The following SDK1 variants were observed in gnomAD, a reference collection of about 807,000 sequenced individuals.
SDK1 encodes sidekick cell adhesion molecule 1.
SDK1 carries 157 observed loss-of-function variants against 245.5 expected under a neutral mutation model. The ratio of observed to expected loss-of-function variants is 0.64; its 90% CI spans 0.56 to 0.73. SDK1 has a LOEUF of 0.73. Ranked by LOEUF, SDK1 falls within the 30% of genes least tolerant of loss-of-function variation. SDK1 has a pLI of 0.00. For missense variants in SDK1, 3,583 were observed against 3,002.3 expected, an observed-to-expected ratio of 1.19 and a Z score of -4.52; for synonymous variants, 1,647 against 1,278.5, an observed-to-expected ratio of 1.29 and a Z score of -6.15.
At chr7:4,219,671 C>A (rs986855005) in intron 38 of SDK1, among the ~76,000 whole-genome samples, 1 of 152,152 alleles carries the variant, frequency 6.6e-6, no homozygotes, top group Non-Finnish European at 1.5e-5. Flanking sequence ...CACTCCCCTC[C>A]CTCGTGACTA....
intron 4 of SDK1, among the ~76,000 whole-genome samples, chr7:3,795,383 G>A (rs932722194): frequency 6.6e-6 from 1 of 152,112 alleles, no homozygotes; most frequent in African/African-American, 2.4e-5. Context: ...ATTGCTGGAA[G>A]GAGTCTGATT....
At chr7:3,918,166 C>T (rs1323771901) in intron 5 of SDK1, among the ~76,000 whole-genome samples, 1 of 152,166 alleles carries the variant, frequency 6.6e-6, no homozygotes. Context: ...GTAGCATGGG[C>T]CACGTGTCTT....
intron 4 of SDK1, among the ~76,000 whole-genome samples, chr7:3,751,764 T>C (rs1779779439): frequency 6.6e-6 from 1 of 152,178 alleles, no homozygotes; most frequent in African/African-American, 2.4e-5. Context: ...TGAGGTCACC[T>C]TGCCTGGTGA....
rs573940629 is a variant in SDK1 at position 3,766,891 on chromosome 7, C to T, written c.714-54559C>T. Among the ~76,000 whole-genome samples, 45 of 152,278 alleles carry T rather than the reference C, an allele frequency of 3.0e-4. No individual in the cohort carries two copies. The South Asian group carries it at 8.7e-3, about 29-fold the overall frequency. ...CCTTAGAGTGAGCTCATGGCATTGT[C>T]ACTTTAACAATATGCCCAAAAGTGG... On this transcript the variant is annotated intron_variant, in intron 4 of 44. Coordinates refer to ENST00000404826, the MANE Select transcript of SDK1 (RefSeq NM_152744.4).
intron 1 of SDK1, among the ~76,000 whole-genome samples, chr7:3,569,940 C>G (rs1244083708): frequency 1.3e-5 from 2 of 152,168 alleles, no homozygotes; most frequent in Non-Finnish European, 2.9e-5. Context: ...TCCTCTGTCT[C>G]CCAGAAGTTC....
At chr7:3,835,834 A>G (rs1408645640) in intron 5 of SDK1, among the ~76,000 whole-genome samples, 1 of 152,240 alleles carries the variant, frequency 6.6e-6, no homozygotes, top group Admixed American at 6.5e-5. Context: ...GTTCTAAGTC[A>G]GGGAATAGTA....
At chr7:4,192,020 C>T (rs1783240031) in intron 35 of SDK1, among the ~76,000 whole-genome samples, 2 of 152,210 alleles carry the variant, frequency 1.3e-5, no homozygotes, top group Non-Finnish European at 2.9e-5. Flanking sequence ...CACTCTCTTC[C>T]GAGAGAACTC....
At chr7:3,836,427 T>A (rs905155628) in intron 5 of SDK1, among the ~76,000 whole-genome samples, 1 of 152,212 alleles carries the variant, frequency 6.6e-6, no homozygotes, top group African/African-American at 2.4e-5. Flanking sequence ...ATTAATTCAT[T>A]GACTCAAGAT....
chr7:4,153,645 T>G (rs1780534561), intron 30 of SDK1, among the ~76,000 whole-genome samples: 1 of 152,200 alleles, frequency 6.6e-6, no homozygotes, highest in Non-Finnish European at 1.5e-5. Context: ...CTTGATATTC[T>G]TTGTGATACA....
At chr7:3,780,376 C>G (rs1211481912) in intron 4 of SDK1, among the ~76,000 whole-genome samples, 1 of 152,170 alleles carries the variant, frequency 6.6e-6, no homozygotes, top group East Asian at 1.9e-4. Context: ...GCCACAGTGC[C>G]TAGGGTCAGG....
At chr7:3,303,819 A>G (rs922704313) in intron 1 of SDK1, among the ~76,000 whole-genome samples, 1 of 152,200 alleles carries the variant, frequency 6.6e-6, no homozygotes, top group Admixed American at 6.5e-5. Context: ...AAGCTCATGT[A>G]TCTTGAAAAT....
In SDK1 at chr7:3,487,402, A is replaced by G. The variant is rs140115028; in HGVS notation, c.299-131678A>G. 4.1e-3 allele frequency among the ~76,000 whole-genome samples: 618 copies of G among 152,148 alleles called. 7 individuals carry two copies. The highest frequency in any genetic ancestry group is 0.014 in the African/African-American group (578 of 41,526). On this transcript the variant is annotated intron_variant, in intron 1 of 44. Transcript: ENST00000404826. ...AATGCTTGTATTCTCAACAAGCACA[A>G]TATTGTGAAAATTGGTTTGGGTCAG...
intron 13 of SDK1, among the ~76,000 whole-genome samples, chr7:3,983,393 G>A (rs962700190): frequency 2.0e-5 from 3 of 152,052 alleles, no homozygotes; most frequent in Admixed American, 6.5e-5. Flanking sequence ...CCACCACTCC[G>A]ATCAGTCCAC....
chr7:3,723,895 TGTATATACACGTACATATATATATACAC>T (rs1200222587), intron 4 of SDK1, among the ~76,000 whole-genome samples: 1 of 130,114 alleles, frequency 7.7e-6, no homozygotes, highest in Admixed American at 7.7e-5. Context: ...TATATACACG[TGTATATACACGTACATATATATATACAC>T]GTATATATAT....
At chr7:3,773,559 A>AT (rs1780463317) in intron 4 of SDK1, among the ~76,000 whole-genome samples, 2 of 150,856 alleles carry the variant, frequency 1.3e-5, no homozygotes, top group South Asian at 4.2e-4. Context: ...CTGTTGTTTT[A>AT]TTTTTTTTCT....
At chr7:3,989,409 T>C (rs1361749399) in intron 14 of SDK1, among the ~76,000 whole-genome samples, 1 of 151,946 alleles carries the variant, frequency 6.6e-6, no homozygotes, top group Non-Finnish European at 1.5e-5. Flanking sequence ...CTCATGGGAG[T>C]TCAAGATGAG....
At chr7:3,422,259 A>C (rs983596307) in intron 1 of SDK1, among the ~76,000 whole-genome samples, 5 of 152,118 alleles carry the variant, frequency 3.3e-5, no homozygotes, top group Admixed American at 3.3e-4. Flanking sequence ...ATATTTAAAA[A>C]CCTGCTATTA....
intron 35 of SDK1, chr7:4,179,261 A>G (rs1269663969): frequency 6.6e-6 from 1 of 152,300 alleles, no homozygotes; most frequent in Non-Finnish European, 1.5e-5. Context: ...CTGACTTCAC[A>G]TAGAGCCTGA....
chr7:4,010,725 C>CA (rs1032871713), intron 14 of SDK1, among the ~76,000 whole-genome samples: 8 of 152,064 alleles, frequency 5.3e-5, no homozygotes, highest in African/African-American at 1.4e-4. Context: ...GCAGGTTGCA[C>CA]AAAAAAATCC....
Sources: gnomAD v4.1 joint callset for allele counts (sites outside exome capture counted in the v4.1 genomes callset) on GRCh38, gnomAD v4.1.1 for gene constraint, MANE v1.5 for transcripts, NCBI Gene and HGNC (gene_info 2026-07-23, HGNC 2026-07-21) for gene names.